TSHZ2: variants seen among roughly 807,000 people sequenced by gnomAD.
TSHZ2 encodes the protein teashirt zinc finger homeobox 2.
A neutral mutation model predicts 74.4 loss-of-function variants in TSHZ2; 21 were observed. The ratio of observed to expected loss-of-function variants is 0.28; its 90% CI spans 0.20 to 0.41. TSHZ2 has a LOEUF of 0.41. Ranked by LOEUF, TSHZ2 falls within the 10% of genes least tolerant of loss-of-function variation. The pLI is 1.00. For synonymous variants in TSHZ2, 540 were observed against 515.3 expected (o/e 1.05, Z -0.65); for missense variants, 1,244 against 1,293.5 (o/e 0.96, Z 0.59).
intron 2 of TSHZ2, among the ~76,000 whole-genome samples, chr20:53,284,928 G>GAT (rs1991136678): frequency 6.6e-6 from 1 of 152,096 alleles, no homozygotes; most frequent in Non-Finnish European, 1.5e-5. Flanking sequence ...TCAGTTCAGT[G>GAT]ATATGAAAGG....
At chr20:53,394,428 G>T (rs1185564847) in intron 2 of TSHZ2, among the ~76,000 whole-genome samples, 3 of 152,140 alleles carry the variant, frequency 2.0e-5, no homozygotes, top group African/African-American at 7.2e-5. Flanking sequence ...CTGGCTTAAG[G>T]TTGCTACAGT....
chr20:53,385,035 G>A (rs1371603307), intron 2 of TSHZ2, among the ~76,000 whole-genome samples: 1 of 152,040 alleles, frequency 6.6e-6, no homozygotes, highest in Non-Finnish European at 1.5e-5. Context: ...GCAGGAGAAT[G>A]GCGTGAACCC....
chr20:53,409,050 C>T (rs1982948774), intron 2 of TSHZ2, among the ~76,000 whole-genome samples: 1 of 152,134 alleles, frequency 6.6e-6, no homozygotes. Flanking sequence ...CATCTGTACA[C>T]TTACAACAAA....
At chr20:53,438,402 C>T (rs879596576) in intron 2 of TSHZ2, among the ~76,000 whole-genome samples, 2 of 152,108 alleles carry the variant, frequency 1.3e-5, no homozygotes, top group Non-Finnish European at 2.9e-5. Context: ...CCTGCAAGGG[C>T]ATAATTTTCA....
At chr20:53,322,349 C>T (rs1979304227) in intron 2 of TSHZ2, among the ~76,000 whole-genome samples, 1 of 152,012 alleles carries the variant, frequency 6.6e-6, no homozygotes. Context: ...CCCATCTCTA[C>T]CAAAAATAGA....
rs753732895 is a variant in TSHZ2 at position 53,256,115 on chromosome 20, C to G, written c.2657C>G (p.Ser886Cys). The G allele has an allele frequency of 6.2e-7, 1 of 1,614,110 alleles. No individual in the cohort carries two copies. Among genetic ancestry groups the G allele is most frequent in the Non-Finnish European group, 8.5e-7 (1 of 1,179,984 alleles). Reference protein sequence around the residue: ...DLGPQERMQISKFTGLSMTTI... With the variant: ...DLGPQERMQICKFTGLSMTTI... ...GGCCCACAAGAGCGTATGCAAATCT[C>G]TAAGTTTACGGGACTCTCAATGACC... The change falls in exon 2 of 3, where the codon TCT becomes TGT. Residue 886 changes from serine (S) to cysteine (C), a missense_variant. By Grantham distance (112) the Ser-to-Cys change is moderately radical (BLOSUM62 -1). This residue lies in a region of TSHZ2 where 185 missense variants were observed against 213.3 expected (regional missense o/e 0.87). Coordinates refer to ENST00000371497, the MANE Select transcript of TSHZ2 (RefSeq NM_173485.6). This position sits in a 1 kb window ranked among gnomAD's most constrained non-coding sequence, Gnocchi z 4.3.
intron 2 of TSHZ2, among the ~76,000 whole-genome samples, chr20:53,455,736 G>A (rs1252676595): frequency 7.0e-6 from 1 of 143,442 alleles, no homozygotes; most frequent in Non-Finnish European, 1.5e-5. Context: ...ACAGTCCCCA[G>A]AGTGTGATGT....
At chr20:53,319,678 G>T (rs1218069045) in intron 2 of TSHZ2, among the ~76,000 whole-genome samples, 1 of 152,348 alleles carries the variant, frequency 6.6e-6, no homozygotes, top group African/African-American at 2.4e-5. Flanking sequence ...TCTCATGTGG[G>T]CTCTGTCACT....
At chr20:53,052,348 G>A (rs1984499534) in intron 1 of TSHZ2, among the ~76,000 whole-genome samples, 1 of 152,210 alleles carries the variant, frequency 6.6e-6, no homozygotes, top group African/African-American at 2.4e-5. Flanking sequence ...CAGGAAGTGA[G>A]TGGAGGACCA....
intron 1 of TSHZ2, among the ~76,000 whole-genome samples, chr20:53,069,582 G>A (rs1985104647): frequency 1.3e-5 from 2 of 151,738 alleles, no homozygotes; most frequent in South Asian, 4.2e-4. Context: ...GGGGAAACGG[G>A]TTAACAAAAT....
Position 53,200,705 on chromosome 20 carries a change from G to A in TSHZ2, c.41-52794G>A, listed in dbSNP as rs150893089. Among the ~76,000 whole-genome samples the A allele has an allele frequency of 2.9e-3, 435 of 152,202 alleles. 1 individual carries two copies. The highest frequency in any genetic ancestry group is 9.8e-3 in the African/African-American group (407 of 41,518). Reference sequence around the variant, plus strand: ...CCTGTTCTGGTTTTGGCTTCACAGAGCAGAAACTATAGTTGGTACCGACCA... The same window carrying A: ...CCTGTTCTGGTTTTGGCTTCACAGAACAGAAACTATAGTTGGTACCGACCA... On this transcript the variant is annotated intron_variant, in intron 1 of 2. Coordinates refer to ENST00000371497, the MANE Select transcript of TSHZ2 (RefSeq NM_173485.6).
At chr20:53,337,726 C>A (rs1462625032) in intron 2 of TSHZ2, among the ~76,000 whole-genome samples, 1 of 152,210 alleles carries the variant, frequency 6.6e-6, no homozygotes, top group South Asian at 2.1e-4. Flanking sequence ...GTGAAAAACT[C>A]ATTTCCCTTC....
intron 1 of TSHZ2, among the ~76,000 whole-genome samples, chr20:53,015,262 G>A (rs1323623813): frequency 1.3e-5 from 2 of 152,080 alleles, no homozygotes; most frequent in Admixed American, 1.3e-4. Context: ...TTTCCTCATA[G>A]CAGTTACCAT....
At chr20:53,064,628 G>A (rs1984919331) in intron 1 of TSHZ2, among the ~76,000 whole-genome samples, 1 of 151,732 alleles carries the variant, frequency 6.6e-6, no homozygotes, top group Admixed American at 6.6e-5. Context: ...AACAGAGCAA[G>A]ACAGCATCTC....
intron 2 of TSHZ2, among the ~76,000 whole-genome samples, chr20:53,288,646 A>G (rs564881349): frequency 1.3e-5 from 2 of 152,290 alleles, no homozygotes; most frequent in East Asian, 3.9e-4. Context: ...GAAGCTTAGG[A>G]CTGAACAGAG....
chr20:53,055,890 C>A (rs1351508176), intron 1 of TSHZ2, among the ~76,000 whole-genome samples: 1 of 152,156 alleles, frequency 6.6e-6, no homozygotes, highest in Non-Finnish European at 1.5e-5. Context: ...TTTGTGCTAC[C>A]CCAGGAGACT....
intron 1 of TSHZ2, among the ~76,000 whole-genome samples, chr20:52,978,847 T>C (rs6126715): frequency 0.074 from 11,297 of 152,286 alleles, 893 homozygotes; most frequent in East Asian, 0.4. Flanking sequence ...TATCTTTTAC[T>C]GTAGTCTGTA....
At chr20:53,476,030 C>G (rs1182308980) in intron 2 of TSHZ2, among the ~76,000 whole-genome samples, 1 of 135,716 alleles carries the variant, frequency 7.4e-6, no homozygotes, top group East Asian at 2.3e-4. Flanking sequence ...GCTTACCAAC[C>G]AAAAAGAGTC....
chr20:53,326,633 A>G (rs1979505702), intron 2 of TSHZ2, among the ~76,000 whole-genome samples: 1 of 152,234 alleles, frequency 6.6e-6, no homozygotes, highest in African/African-American at 2.4e-5. Flanking sequence ...TGTGTGCGCC[A>G]TCATGCTGAT....
Sources: gnomAD v4.1 joint callset for allele counts (sites outside exome capture counted in the v4.1 genomes callset) on GRCh38, gnomAD v4.1.1 for gene constraint, gnomAD v4.1.1 regional missense constraint, Gnocchi (gnomAD v3.1) non-coding constraint, MANE v1.5 for transcripts, NCBI Gene and HGNC (gene_info 2026-07-23, HGNC 2026-07-21) for gene names.